Variants in DNHD1 observed in about 807,000 individuals in gnomAD.
DNHD1 encodes dynein heavy chain domain 1, also known as dynein heavy chain domain-containing protein 1.
A neutral mutation model predicts 458.1 loss-of-function variants in DNHD1; 383 were observed. The observed-to-expected ratio is 0.84, with a 90% confidence interval of 0.77 to 0.91. DNHD1 has a LOEUF of 0.91. DNHD1 is among the 40% of genes least tolerant of loss of function. The pLI is 0.00. For synonymous variants in DNHD1, 2,203 were observed against 2,376.9 expected, an observed-to-expected ratio of 0.93 and a Z score of 2.13; for missense variants, 5,336 against 5,866.1, an observed-to-expected ratio of 0.91 and a Z score of 2.95.
At chr11:6,565,432 A>G (rs1853675631) in intron 32 of DNHD1, among the ~76,000 whole-genome samples, 1 of 152,222 alleles carries the variant, frequency 6.6e-6, no homozygotes, top group South Asian at 2.1e-4. Context: ...GATAGCCAAC[A>G]TTTATTGAGT....
chr11:6,539,778 C>T (rs759172581), intron 17 of DNHD1, 98 bp from the exon 18 acceptor site: 88 of 1,128,346 alleles, frequency 7.8e-5, no homozygotes, highest in Non-Finnish European at 1.0e-4. Context: ...GAGCCCTGGC[C>T]CTTGAGTTCT....
chr11:6,532,399 T>C (rs530835053), intron 12 of DNHD1, among the ~76,000 whole-genome samples: 1 of 152,366 alleles, frequency 6.6e-6, no homozygotes, highest in Non-Finnish European at 1.5e-5. Flanking sequence ...GATTACTTTC[T>C]AGCCCCTTAT....
chr11:6,535,297 G>A (rs1852921674), intron 14 of DNHD1, among the ~76,000 whole-genome samples: 1 of 152,192 alleles, frequency 6.6e-6, no homozygotes, highest in South Asian at 2.1e-4. Context: ...GTGTTTATGT[G>A]TATATACATG....
chr11:6,537,061 C>T lies in DNHD1; in HGVS notation c.2999-1322C>T, dbSNP rs76050588. Among the ~76,000 whole-genome samples, 131 of 152,302 alleles carry T rather than the reference C, an allele frequency of 8.6e-4. 3 individuals carry two copies. The East Asian group carries it at 0.025, about 29-fold the overall frequency. On this transcript the variant is annotated intron_variant, in intron 14 of 42. Transcript: ENST00000254579. ...GCCCAGCATTTGGGTGTGACTCTAT[C>T]ACTTTTTGTCCCACTCAAGAAAGTA...
intron 3 of DNHD1, among the ~76,000 whole-genome samples, chr11:6,501,194 G>C (rs1237352984): frequency 6.6e-6 from 1 of 152,020 alleles, no homozygotes; most frequent in African/African-American, 2.4e-5. Flanking sequence ...GTGAATGGAA[G>C]ATGAAGTGGA....
chr11:6,508,754 C>T, intron 4 of DNHD1, 126 bp from the exon 5 acceptor site: 2 of 753,664 alleles, frequency 2.7e-6, no homozygotes, highest in African/African-American at 1.8e-5. Flanking sequence ...GCTCTCTTTG[C>T]CCCTTTTTCT....
chr11:6,528,990 C>T lies in DNHD1; in HGVS notation c.2216C>T (p.Pro739Leu). 1 of 1,551,608 alleles carries T rather than the reference C, an allele frequency of 6.4e-7. No homozygotes were observed. The highest frequency in any genetic ancestry group is 8.7e-7 in the Non-Finnish European group (1 of 1,146,984). The change falls in exon 12 of 43, where the codon CCC becomes CTC. Residue 739 changes from proline (P) to leucine (L), a missense_variant. Around this residue, in one of 4 missense-constraint regions of DNHD1, gnomAD observed 3,932 missense variants for 4,365.6 expected, o/e 0.90. Coordinates refer to ENST00000254579, the MANE Select transcript of DNHD1 (RefSeq NM_144666.3). ...PQKLEDMRGG[P>L]IKNYVTLVSR... is the part of the protein sequence containing the mutation. The stretch of plus-strand genomic sequence containing the variant: ...AAGCTGGAAGACATGAGAGGTGGTC[C>T]CATCAAGAACTACGTGACGCTGGTG...
intron 24 of DNHD1, among the ~76,000 whole-genome samples, chr11:6,553,316 C>A (rs540409591): frequency 6.6e-6 from 1 of 152,194 alleles, no homozygotes; most frequent in African/African-American, 2.4e-5. Flanking sequence ...TTCCATAACT[C>A]CCAGGAAACT....
Position 6,564,143 on chromosome 11 carries a change from G to A in DNHD1, c.10284+19G>A, listed in dbSNP as rs1334433160. 6.5e-7 allele frequency: 1 copy of A among 1,544,336 alleles called. No homozygotes were observed. Among genetic ancestry groups the A allele is most frequent in the Non-Finnish European group, 8.8e-7 (1 of 1,142,148 alleles). On this transcript the variant is annotated intron_variant, in intron 31 of 42. Transcript: ENST00000254579. Reference sequence around the variant, plus strand: ...GCTCCAGGTAACCATCCCCCTCCCAGATGTCTCCCCCAAAGTTCCTTTTAT... The same window carrying A: ...GCTCCAGGTAACCATCCCCCTCCCAAATGTCTCCCCCAAAGTTCCTTTTAT...
chr11:6,546,398 T>G lies in DNHD1; in HGVS notation c.5459T>G (p.Leu1820Arg). Residue 1820 changes from leucine (L) to arginine (R), a missense_variant, in exon 21 of 43, where the codon CTG becomes CGG. Leu to Arg is a moderately radical substitution (Grantham distance 102, BLOSUM62 -2). This residue lies in a region of DNHD1 where 3,932 missense variants were observed against 4,365.6 expected (regional missense o/e 0.90). Transcript: ENST00000254579. ...TCTGCTGTGCCTGCCAACCTGCACC[T>G]GCTGCTGCGGCCTGTGGCATTGGCA... is the stretch of plus-strand genomic sequence containing the variant. Reference protein sequence around the residue: ...LSSAVPANLHLLLRPVALALP... With the variant: ...LSSAVPANLHRLLRPVALALP... 6.4e-7 allele frequency: 1 copy of G among 1,552,094 alleles called. No homozygotes were observed. The highest frequency in any genetic ancestry group is 1.2e-5 in the South Asian group (1 of 84,066).
chr11:6,541,556 C>A (rs1853098392), intron 18 of DNHD1, among the ~76,000 whole-genome samples: 1 of 152,288 alleles, frequency 6.6e-6, no homozygotes, highest in South Asian at 2.1e-4. Context: ...AAAAGAGCTT[C>A]TATCGCTCTG....
intron 14 of DNHD1, among the ~76,000 whole-genome samples, chr11:6,535,278 T>C (rs1293668334): frequency 3.9e-5 from 6 of 152,362 alleles, no homozygotes; most frequent in Non-Finnish European, 8.8e-5. Flanking sequence ...TGTATACGCA[T>C]GTAACTGTGT....
chr11:6,562,418 G>C (rs1226902844), intron 28 of DNHD1, among the ~76,000 whole-genome samples: 1 of 152,176 alleles, frequency 6.6e-6, no homozygotes, highest in Non-Finnish European at 1.5e-5. Context: ...GGCAGGGAGG[G>C]AACCTAGCTA....
rs1210900560 is a variant in DNHD1, at chr11:6,498,416, T to A, written c.201T>A (p.Thr67=). The change falls in exon 3 of 43, where the codon ACT becomes ACA. Residue 67 remains threonine (T), a synonymous_variant. Coordinates refer to ENST00000254579, the MANE Select transcript of DNHD1 (RefSeq NM_144666.3). ...AACTCCTGCTAGCTGAGCTCCGAAC[T>A]CTGTTCTCAGCTGTGTTGCAGGACA... ...VLELLLAELR[T]LFSAVLQDSS... 6.2e-7 allele frequency: 1 copy of A among 1,614,216 alleles called. No individual in the cohort carries two copies. Among genetic ancestry groups the A allele is most frequent in the East Asian group, 2.2e-5 (1 of 44,884 alleles).
rs750174266 is a variant in DNHD1 at position 6,558,140 on chromosome 11, G to A, written c.8845G>A (p.Val2949Met). The change falls in exon 25 of 43, where the codon GTG becomes ATG. Residue 2949 changes from valine (V) to methionine (M), a missense_variant. Transcript: ENST00000254579. ...AGTGGCTCTGTTGGTACCCAGTGGT[G>A]TGGATCTCACTACACTTCATCGCCT... ...QPVALLVPSGVDLTTLHRLLA... is the reference protein window; with the variant it reads ...QPVALLVPSGMDLTTLHRLLA... 9.0e-6 allele frequency: 14 copies of A among 1,551,588 alleles called. No homozygotes were observed. In the South Asian group the frequency reaches 9.5e-5, roughly 11 times the overall value.
In DNHD1 at chr11:6,570,264, G is replaced by A. The variant is rs1177118472; in HGVS notation, c.12973G>A (p.Gly4325Ser). Reference protein sequence around the residue: ...QELAASVFYGGPLGDTEDREA... With the variant: ...QELAASVFYGSPLGDTEDREA... ...ATCTTCAGCTTCAGTTTTCTACGGG[G>A]GTCCTCTGGGGGACACTGAGGACAG... is the stretch of plus-strand genomic sequence containing the variant. The change falls in exon 41 of 43, where the codon GGT becomes AGT. Residue 4325 changes from glycine to serine, a missense_variant. Physicochemically the swap from Gly to Ser is moderately conservative, Grantham distance 56. Coordinates refer to ENST00000254579, the MANE Select transcript of DNHD1 (RefSeq NM_144666.3). The A allele has an allele frequency of 6.2e-6, 10 of 1,613,558 alleles. No homozygotes were observed. The African/African-American group carries it at 1.2e-4, about 19-fold the overall frequency.
chr11:6,517,408 T>A (rs1048300586), intron 7 of DNHD1, among the ~76,000 whole-genome samples: 1 of 152,166 alleles, frequency 6.6e-6, no homozygotes, highest in Non-Finnish European at 1.5e-5. Context: ...CAAAGAGATA[T>A]CTATACCCCC....
rs1403956022 is a variant in DNHD1, at chr11:6,571,252, C to T, written c.13740C>T (p.Val4580=). 2 of 1,612,562 alleles carry T rather than the reference C, an allele frequency of 1.2e-6. No individual in the cohort carries two copies. The highest frequency in any genetic ancestry group is 1.7e-6 in the Non-Finnish European group (2 of 1,179,712). Residue 4580 remains valine (V), a synonymous_variant, in exon 42 of 43, where the codon GTC becomes GTT. Transcript: ENST00000254579. The surrounding 1 kb of genome is among the most constrained non-coding windows in gnomAD (Gnocchi z 5.0). ...CGAGCAGTGATGTACCAGAGCGCGTCTTCCACCTGTCAGCCTTTCGCCACC... is the reference window on the plus strand; with the variant it reads ...CGAGCAGTGATGTACCAGAGCGCGTTTTCCACCTGTCAGCCTTTCGCCACC... ...ADASSDVPER[V]FHLSAFRHPR... is the part of the protein sequence containing the mutation.
chr11:6,533,753 A>G lies in DNHD1; in HGVS notation c.2578A>G (p.Ile860Val), dbSNP rs1589878718. 1.3e-6 allele frequency: 2 copies of G among 1,551,538 alleles called. No individual in the cohort carries two copies. Among genetic ancestry groups the G allele is most frequent in the East Asian group, 4.9e-5 (2 of 40,874 alleles). The change falls in exon 14 of 43, where the codon ATC becomes GTC. Residue 860 changes from isoleucine to valine, a missense_variant. Ile to Val is a conservative substitution (Grantham distance 29). This residue lies in a region of DNHD1 where 3,932 missense variants were observed against 4,365.6 expected (regional missense o/e 0.90). Transcript: ENST00000254579. ...ATACGTACGGGCACTCCACGAACTC[A>G]TCCGCAACCACTTTAGCCTCTTTAG... The part of the protein sequence containing the change: ...MEYVRALHEL[I>V]RNHFSLFSAE...
Sources: allele counts gnomAD v4.1 joint callset (sites outside exome capture counted in the v4.1 genomes callset), GRCh38; gene constraint gnomAD v4.1.1; regional missense constraint gnomAD v4.1.1; non-coding constraint Gnocchi (gnomAD v3.1); transcripts MANE v1.5; gene names NCBI Gene and HGNC (gene_info 2026-07-23, HGNC 2026-07-21).